Variants in TRDN observed in about 807,000 individuals in gnomAD.
The protein encoded by TRDN is triadin in skeletal muscle.
Under a neutral mutation model 149.7 loss-of-function variants are expected in TRDN, and 161 were observed. The observed-to-expected ratio is 1.08, with a 90% confidence interval of 0.95 to 1.23. The LOEUF (loss-of-function observed/expected upper bound fraction) is 1.23, where lower values mean the gene tolerates loss of function less well. Among genes scored for constraint, TRDN ranks in the 50% most tolerant of loss-of-function variants. The pLI, the probability that TRDN is intolerant of heterozygous loss-of-function variation, is 0.00. For synonymous variants in TRDN, 294 were observed against 250.5 expected, an observed-to-expected ratio of 1.17 and a Z score of -1.64; for missense variants, 896 against 823.5, an observed-to-expected ratio of 1.09 and a Z score of -1.08.
chr6:123,435,669 G>A (rs185262658), intron 12 of TRDN, among the ~76,000 whole-genome samples: 1 of 152,152 alleles, frequency 6.6e-6, no homozygotes, highest in East Asian at 1.9e-4. Flanking sequence ...GGAATTTTGT[G>A]TAATCAAAAG....
intron 5 of TRDN, among the ~76,000 whole-genome samples, chr6:123,526,774 G>A (rs1779971138): frequency 6.6e-6 from 1 of 151,884 alleles, no homozygotes; most frequent in South Asian, 2.1e-4. Context: ...ACAGGAACTT[G>A]GGATGACACA....
chr6:123,326,434 A>G (rs1221312144), intron 23 of TRDN, among the ~76,000 whole-genome samples: 3 of 145,226 alleles, frequency 2.1e-5, no homozygotes, highest in African/African-American at 7.8e-5. Flanking sequence ...TTTTGATTGA[A>G]TCTGGCTTCT....
In TRDN at chr6:123,527,234, GA is replaced by G. The variant is rs575327360; in HGVS notation, c.484+3271del. Among the ~76,000 whole-genome samples, 14 of 152,112 alleles carry G rather than the reference GA, an allele frequency of 9.2e-5. No homozygotes were observed. In the South Asian group the frequency reaches 2.9e-3, roughly 32 times the overall value. On this transcript the variant is annotated intron_variant, in intron 5 of 40. Transcript: ENST00000334268. The stretch of plus-strand genomic sequence containing the variant: ...ATCTGAGTATTTACCACGGGTAAAG[GA>G]AATGTTCTTTAATAATCATGACTTG...
intron 38 of TRDN, among the ~76,000 whole-genome samples, chr6:123,250,999 C>G (rs1281822486): frequency 6.6e-6 from 1 of 152,140 alleles, no homozygotes; most frequent in Non-Finnish European, 1.5e-5. Context: ...CAAATCCTAA[C>G]CATTCTTCAA....
At chr6:123,585,155 A>G (rs572618728) in intron 1 of TRDN, among the ~76,000 whole-genome samples, 17 of 149,656 alleles carry the variant, frequency 1.1e-4, no homozygotes, top group Non-Finnish European at 1.3e-4. Context: ...GGGGGAATAC[A>G]AGAGGAGCAC....
At chr6:123,477,997 A>G (rs1456346027) in intron 9 of TRDN, among the ~76,000 whole-genome samples, 1 of 151,974 alleles carries the variant, frequency 6.6e-6, no homozygotes, top group East Asian at 1.9e-4. Context: ...CAGCATGCAC[A>G]TGTATACGTA....
chr6:123,480,909 A>G (rs1448410775), intron 9 of TRDN, among the ~76,000 whole-genome samples: 1 of 152,090 alleles, frequency 6.6e-6, no homozygotes, highest in African/African-American at 2.4e-5. Flanking sequence ...AGCAGCTGGC[A>G]TAGTTGATTG....
intron 1 of TRDN, among the ~76,000 whole-genome samples, chr6:123,633,671 C>T (rs1235094859): frequency 6.6e-6 from 1 of 151,974 alleles, no homozygotes; most frequent in Non-Finnish European, 1.5e-5. Context: ...ACCCTAAAAT[C>T]CTTTGGAGTT....
intron 24 of TRDN, among the ~76,000 whole-genome samples, chr6:123,288,279 G>A (rs758138945): frequency 4.4e-4 from 67 of 152,010 alleles, no homozygotes; most frequent in Non-Finnish European, 4.0e-4. Flanking sequence ...ACCTGAAATT[G>A]TAAAGCTACT....
intron 2 of TRDN, among the ~76,000 whole-genome samples, chr6:123,570,264 T>C (rs1292294306): frequency 6.6e-6 from 1 of 152,220 alleles, no homozygotes; most frequent in Non-Finnish European, 1.5e-5. Context: ...TAACATTTAC[T>C]CAGCACTTGG....
rs1000367609 is a variant in TRDN at position 123,216,367 on chromosome 6, C to T, written c.*2234G>A. ...GAAGATCTATAACTATTTTATTAGA[C>T]GGTAATATATAAACAAATGACAGTT... On this transcript the variant is annotated 3_prime_UTR_variant, in exon 41 of 41. Coordinates refer to ENST00000334268, the MANE Select transcript of TRDN (RefSeq NM_006073.4). 24 of 151,850 alleles carry T rather than the reference C, an allele frequency of 1.6e-4. No homozygotes were observed. The highest frequency in any genetic ancestry group is 3.9e-4 in the East Asian group (2 of 5,138). The allele number at this position is 151,850 out of a possible 1,614,324, so 9.4% of individuals were successfully genotyped here.
At chr6:123,259,775 A>C in intron 34 of TRDN, 113 bp from the exon 35 acceptor site, 1 of 700,214 alleles carries the variant, frequency 1.4e-6, no homozygotes, top group Non-Finnish European at 2.3e-6. Flanking sequence ...GGAGGGAGTC[A>C]GGGCTCTCTC....
intron 22 of TRDN, among the ~76,000 whole-genome samples, chr6:123,335,219 C>T (rs1294403715): frequency 6.6e-6 from 1 of 151,620 alleles, no homozygotes; most frequent in Non-Finnish European, 1.5e-5. Context: ...ATAATAAAGG[C>T]ATTTTGGGGG....
intron 10 of TRDN, among the ~76,000 whole-genome samples, chr6:123,448,129 C>T (rs1775511269): frequency 6.6e-6 from 1 of 152,184 alleles, no homozygotes; most frequent in Non-Finnish European, 1.5e-5. Context: ...CCTGGCACCA[C>T]AGGGATTCAT....
intron 12 of TRDN, among the ~76,000 whole-genome samples, chr6:123,410,908 G>T (rs555678602): frequency 2.4e-4 from 37 of 151,970 alleles, no homozygotes; most frequent in Middle Eastern, 6.8e-3. Flanking sequence ...ACATACATCA[G>T]CAGTGTGCTA....
At chr6:123,254,139 AT>A (rs987955226) in intron 37 of TRDN, among the ~76,000 whole-genome samples, 1 of 152,040 alleles carries the variant, frequency 6.6e-6, no homozygotes, top group Non-Finnish European at 1.5e-5. Context: ...TAATTAATTT[AT>A]TTTTTTCTCA....
At chr6:123,405,687 T>G (rs988374532) in intron 12 of TRDN, among the ~76,000 whole-genome samples, 1 of 152,128 alleles carries the variant, frequency 6.6e-6, no homozygotes, top group Non-Finnish European at 1.5e-5. Context: ...TTCTCATCTT[T>G]CAACCAGGCT....
At chr6:123,440,627 A>G (rs1774823911) in intron 10 of TRDN, among the ~76,000 whole-genome samples, 1 of 152,192 alleles carries the variant, frequency 6.6e-6, no homozygotes, top group Non-Finnish European at 1.5e-5. Context: ...AGCTCAAGCT[A>G]AACACTAATG....
At chr6:123,627,115 A>C (rs1785715247) in intron 1 of TRDN, among the ~76,000 whole-genome samples, 1 of 151,990 alleles carries the variant, frequency 6.6e-6, no homozygotes, top group Non-Finnish European at 1.5e-5. Flanking sequence ...TTTTTAGTAC[A>C]GGCAGGGTTT....
Sources: allele counts gnomAD v4.1 joint callset (sites outside exome capture counted in the v4.1 genomes callset), GRCh38; gene constraint gnomAD v4.1.1; transcripts MANE v1.5; gene names NCBI Gene and HGNC (gene_info 2026-07-23, HGNC 2026-07-21).